RYR3: variants seen among roughly 807,000 people sequenced by gnomAD.
RYR3 encodes brain ryanodine receptor-calcium release channel.
Under a neutral mutation model 584.3 loss-of-function variants are expected in RYR3, and 207 were observed. The ratio of observed to expected loss-of-function variants is 0.35; its 90% CI spans 0.32 to 0.40. RYR3 has a LOEUF of 0.40. Among genes scored for constraint, RYR3 ranks in the 10% least tolerant of loss-of-function variants. The pLI is 1.00. For missense variants in RYR3, 5,616 were observed against 6,089.2 expected (o/e 0.92, Z 2.59); for synonymous variants, 2,416 against 2,248.5 (o/e 1.07, Z -2.11).
chr15:33,536,619 A>G (rs11072524), intron 5 of RYR3, among the ~76,000 whole-genome samples: 131,833 of 152,138 alleles, frequency 0.87, 57,747 homozygotes, highest in Middle Eastern at 0.98. Flanking sequence ...CCCCTTCATC[A>G]TGGACACCCT....
In RYR3 at chr15:33,788,301, A is replaced by G; in HGVS notation, c.9673A>G (p.Lys3225Glu). The G allele has an allele frequency of 6.2e-7, 1 of 1,613,980 alleles. No individual in the cohort carries two copies. The highest frequency in any genetic ancestry group is 2.2e-5 in the East Asian group (1 of 44,870). ...FIPTLEKLKK[K>E]AVKTVQEEEQ... ...CCCAACTCTGGAGAAGCTGAAGAAA[A>G]AGGCTGTCAAGACGGTGCAGGAGGA... The change falls in exon 67 of 104, where the codon AAG (lysine) becomes GAG (glutamate). Residue 3225 changes from lysine to glutamate, a missense_variant. By Grantham distance (56) the Lys-to-Glu change is moderately conservative. Coordinates refer to ENST00000634891, the MANE Select transcript of RYR3 (RefSeq NM_001036.6).
intron 23 of RYR3, among the ~76,000 whole-genome samples, chr15:33,631,966 C>T (rs1431064640): frequency 2.6e-5 from 4 of 152,212 alleles, no homozygotes; most frequent in African/African-American, 9.6e-5. Context: ...CTCTCACACA[C>T]GCAACTCCTA....
At chr15:33,414,883 G>A (rs973692257) in intron 1 of RYR3, among the ~76,000 whole-genome samples, 1 of 152,170 alleles carries the variant, frequency 6.6e-6, no homozygotes, top group Non-Finnish European at 1.5e-5. Context: ...GTGAGCCACC[G>A]CGCCGGCCTT....
intron 38 of RYR3, 52 bp from the exon 39 acceptor site, chr15:33,696,166 T>C: frequency 1.9e-6 from 3 of 1,553,404 alleles, no homozygotes; most frequent in Non-Finnish European, 2.6e-6. Flanking sequence ...AACACCCAGC[T>C]CTCCCTGAGC....
chr15:33,660,871 T>C (rs1391665317), intron 34 of RYR3, among the ~76,000 whole-genome samples: 1 of 152,152 alleles, frequency 6.6e-6, no homozygotes, highest in East Asian at 1.9e-4. Context: ...ATTACTTATG[T>C]ACTCTGAACA....
At chr15:33,382,773 T>C (rs2041295535) in intron 1 of RYR3, among the ~76,000 whole-genome samples, 1 of 152,186 alleles carries the variant, frequency 6.6e-6, no homozygotes, top group Non-Finnish European at 1.5e-5. Flanking sequence ...CACATATATA[T>C]GCATAGAAAA....
At position 33,601,256 on chromosome 15, in the gene RYR3, G is replaced by A. The variant is rs1358196257; in HGVS notation, c.1789-163G>A. ...AGCAGTAGGCTCTGAGGCATCACTC[G>A]CTCCTTCTGGGTAAGAGGCAAAGCT... On this transcript the variant is annotated intron_variant, in intron 16 of 103. Coordinates refer to ENST00000634891, the MANE Select transcript of RYR3 (RefSeq NM_001036.6). Among the ~76,000 whole-genome samples the A allele has an allele frequency of 2.6e-5, 4 of 152,134 alleles. No homozygotes were observed. In the East Asian group the frequency reaches 5.8e-4, roughly 22 times the overall value.
chr15:33,508,666 A>G (rs1322733003), intron 3 of RYR3, among the ~76,000 whole-genome samples: 5 of 152,022 alleles, frequency 3.3e-5, no homozygotes, highest in South Asian at 2.1e-4. Flanking sequence ...AAACAAAACA[A>G]AAAACCTTGA....
At chr15:33,640,304 C>T (rs2061728695) in intron 27 of RYR3, among the ~76,000 whole-genome samples, 1 of 152,154 alleles carries the variant, frequency 6.6e-6, no homozygotes. Flanking sequence ...GGGAGCGTGG[C>T]CTGTTGTTTC....
chr15:33,473,688 A>G, intron 2 of RYR3, 150 bp downstream of exon 2: 1 of 794,462 alleles, frequency 1.3e-6, no homozygotes, highest in Non-Finnish European at 2.0e-6. Context: ...TTTAAACCAT[A>G]ACTTTCCACA....
chr15:33,572,977 AAAAT>A (rs1595659620), intron 12 of RYR3, among the ~76,000 whole-genome samples: 1 of 152,184 alleles, frequency 6.6e-6, no homozygotes, highest in African/African-American at 2.4e-5. Context: ...TCTGTCTCAA[AAAAT>A]AAATAAAAAA....
intron 1 of RYR3, among the ~76,000 whole-genome samples, chr15:33,427,032 T>C (rs556445742): frequency 6.6e-6 from 1 of 152,322 alleles, no homozygotes; most frequent in Non-Finnish European, 1.5e-5. Context: ...ATGAAGGATT[T>C]AGACTTCAAC....
chr15:33,721,390 G>T (rs1333367953), intron 43 of RYR3, among the ~76,000 whole-genome samples: 1 of 152,196 alleles, frequency 6.6e-6, no homozygotes, highest in Non-Finnish European at 1.5e-5. Flanking sequence ...CAAAATCCCT[G>T]ACCGATACAA....
In RYR3 at chr15:33,640,658, T is replaced by C. The variant is rs146287049; in HGVS notation, c.3557-3653T>C. 4.7e-4 allele frequency among the ~76,000 whole-genome samples: 71 copies of C among 152,344 alleles called. 1 individual carries two copies. Among genetic ancestry groups the C allele is most frequent in the African/African-American group, 1.7e-3 (69 of 41,592 alleles). On this transcript the variant is annotated intron_variant, in intron 27 of 103. Coordinates refer to ENST00000634891, the MANE Select transcript of RYR3 (RefSeq NM_001036.6). ...CCTCTTCCTAATCAGAAAACCAGTA[T>C]GAGGCCTTATAATACCAAGTGTATC... is the stretch of plus-strand genomic sequence containing the variant.
At chr15:33,634,177 G>T (rs775823539) in intron 24 of RYR3, among the ~76,000 whole-genome samples, 2 of 152,076 alleles carry the variant, frequency 1.3e-5, no homozygotes, top group East Asian at 3.9e-4. Flanking sequence ...TCAGCCTCCC[G>T]AGTAGCTGGG....
chr15:33,448,626 C>G (rs749219393), intron 1 of RYR3, among the ~76,000 whole-genome samples: 1 of 152,242 alleles, frequency 6.6e-6, no homozygotes, highest in Non-Finnish European at 1.5e-5. Context: ...TGATGAGGGC[C>G]TTTTGCTGCT....
In RYR3 at chr15:33,662,144, T is replaced by C. The variant is rs540408111; in HGVS notation, c.4623-9T>C. 1.3e-4 allele frequency: 199 copies of C among 1,564,220 alleles called. 2 individuals are homozygous for C. In the South Asian group the frequency reaches 2.3e-3, roughly 18 times the overall value. ...CCCTGGTGTGGCTGATTGCTCGTCC[T>C]GTCCTCAGGTGTGTGGATATCCTGG... On this transcript the variant is annotated splice_polypyrimidine_tract_variant and intron_variant, in intron 34 of 103. Coordinates refer to ENST00000634891, the MANE Select transcript of RYR3 (RefSeq NM_001036.6).
At chr15:33,648,872 AG>A (rs2062267277) in intron 30 of RYR3, among the ~76,000 whole-genome samples, 199 bp from the exon 31 acceptor site, 1 of 152,234 alleles carries the variant, frequency 6.6e-6, no homozygotes, top group South Asian at 2.1e-4. Context: ...CAAAATAGAA[AG>A]GAAAAATTAG....
chr15:33,803,190 A>T (rs1258939250), intron 69 of RYR3, among the ~76,000 whole-genome samples: 1 of 152,258 alleles, frequency 6.6e-6, no homozygotes, highest in Non-Finnish European at 1.5e-5. Flanking sequence ...ATACACTTTT[A>T]GTATGCATTG....
Sources: allele counts gnomAD v4.1 joint callset (sites outside exome capture counted in the v4.1 genomes callset), GRCh38; gene constraint gnomAD v4.1.1; transcripts MANE v1.5; gene names NCBI Gene and HGNC (gene_info 2026-07-23, HGNC 2026-07-21).